The following CCSER1 variants were observed in gnomAD, a reference collection of about 807,000 sequenced individuals.
CCSER1 encodes coiled-coil serine rich protein 1, also known as serine-rich coiled-coil domain-containing protein 1.
Under a neutral mutation model 82.0 loss-of-function variants are expected in CCSER1, and 41 were observed. The ratio of observed to expected loss-of-function variants is 0.50; its 90% CI spans 0.39 to 0.65. CCSER1 has a LOEUF of 0.65. Ranked by LOEUF, CCSER1 falls within the 30% of genes least tolerant of loss-of-function variation. CCSER1 has a pLI of 0.00. For missense variants in CCSER1, 1,119 were observed against 1,064.2 expected, an observed-to-expected ratio of 1.05 and a Z score of -0.72; for synonymous variants, 414 against 383.9, an observed-to-expected ratio of 1.08 and a Z score of -0.92.
intron 8 of CCSER1, among the ~76,000 whole-genome samples, chr4:90,886,980 C>T (rs1722217473): frequency 6.6e-6 from 1 of 152,106 alleles, no homozygotes; most frequent in African/African-American, 2.4e-5. Flanking sequence ...AATAGACCTA[C>T]CAAATGAAAA....
chr4:91,603,085 G>T lies in CCSER1; in HGVS notation c.*4028G>T, dbSNP rs1020074290. Among the ~76,000 whole-genome samples the T allele has an allele frequency of 1.3e-5, 2 of 151,990 alleles. No homozygotes were observed. The highest frequency in any genetic ancestry group is 2.9e-5 in the Non-Finnish European group (2 of 67,946). On this transcript the variant is annotated 3_prime_UTR_variant, in exon 11 of 11. Coordinates refer to ENST00000509176, the MANE Select transcript of CCSER1 (RefSeq NM_001145065.2). ...ATCATGACAACTCTAGGCTGTAGAA[G>T]GCGTAATATAAAATACAAACTAGTT...
At chr4:91,141,542 C>T (rs879361698) in intron 10 of CCSER1, among the ~76,000 whole-genome samples, 3 of 152,102 alleles carry the variant, frequency 2.0e-5, no homozygotes, top group Admixed American at 6.6e-5. Context: ...TGAGCACCTA[C>T]GTTGATTCCA....
intron 7 of CCSER1, among the ~76,000 whole-genome samples, chr4:90,768,338 C>T (rs1751569680): frequency 6.6e-6 from 1 of 152,182 alleles, no homozygotes; most frequent in Non-Finnish European, 1.5e-5. Context: ...TAGAATCCAA[C>T]ATCATGAGAT....
At position 90,508,834 on chromosome 4, in the gene CCSER1, A is replaced by G. The variant is rs548207554; in HGVS notation, c.1724+40480A>G. ...AATTAAGCACTTAAGCTCATTGACA[A>G]TAGAAATAACTTTATCTTAAAGGTT... On this transcript the variant is annotated intron_variant, in intron 5 of 10. Transcript: ENST00000509176. Among the ~76,000 whole-genome samples, 28 of 152,214 alleles carry G rather than the reference A, an allele frequency of 1.8e-4. 1 individual carries two copies. The South Asian group carries it at 5.6e-3, about 30-fold the overall frequency.
At position 90,577,708 on chromosome 4, in the gene CCSER1, TG is replaced by T. The variant is rs201144029; in HGVS notation, c.1725-50316del. ...AATATTACTTATTTTTTAAAATTTT[TG>T]TATCATATTTTTAAGAGTTCCTCTG... On this transcript the variant is annotated intron_variant, in intron 5 of 10. Coordinates refer to ENST00000509176, the MANE Select transcript of CCSER1 (RefSeq NM_001145065.2). Among the ~76,000 whole-genome samples the T allele has an allele frequency of 6.5e-3, 986 of 152,292 alleles. 17 individuals carry two copies. The highest frequency in any genetic ancestry group is 0.023 in the African/African-American group (939 of 41,572).
intron 10 of CCSER1, among the ~76,000 whole-genome samples, chr4:91,278,521 T>C (rs774213652): frequency 6.6e-6 from 1 of 152,136 alleles, no homozygotes; most frequent in Non-Finnish European, 1.5e-5. Context: ...GCATGGAGTA[T>C]CTTTTTCCGT....
chr4:90,584,585 GT>G (rs1445899562), intron 5 of CCSER1, among the ~76,000 whole-genome samples: 8 of 152,158 alleles, frequency 5.3e-5, no homozygotes, highest in Admixed American at 2.0e-4. Flanking sequence ...AAAAATTTGG[GT>G]ATTGTTTTAA....
At chr4:91,223,509 ATTCC>A (rs1321510314) in intron 10 of CCSER1, among the ~76,000 whole-genome samples, 2 of 152,170 alleles carry the variant, frequency 1.3e-5, no homozygotes, top group African/African-American at 4.8e-5. Flanking sequence ...TGCTGTAATA[ATTCC>A]AAAGGGGGAA....
At chr4:91,401,725 G>A (rs1193697852) in intron 10 of CCSER1, among the ~76,000 whole-genome samples, 1 of 152,094 alleles carries the variant, frequency 6.6e-6, no homozygotes, top group African/African-American at 2.4e-5. Context: ...CAAAGGACAT[G>A]AACTCATCCT....
At position 90,909,975 on chromosome 4, in the gene CCSER1, A is replaced by G. The variant is rs187022983; in HGVS notation, c.2095-13395A>G. On this transcript the variant is annotated intron_variant, in intron 8 of 10. Transcript: ENST00000509176. ...TGAGACTGGGTAATTTGTAAAGAAT[A>G]GAGGTTTAATTGACTCACAGTACCA... 2.8e-3 allele frequency among the ~76,000 whole-genome samples: 432 copies of G among 152,290 alleles called. 11 individuals are homozygous for G. The highest frequency in any genetic ancestry group is 6.9e-4 in the Non-Finnish European group (47 of 68,020).
intron 5 of CCSER1, among the ~76,000 whole-genome samples, chr4:90,580,186 C>A (rs1781272016): frequency 6.6e-6 from 1 of 151,916 alleles, no homozygotes; most frequent in African/African-American, 2.4e-5. Context: ...TATAATTATG[C>A]CAGTGAATAT....
intron 8 of CCSER1, among the ~76,000 whole-genome samples, chr4:90,816,101 T>A (rs2149766269): frequency 6.6e-6 from 1 of 152,322 alleles, no homozygotes; most frequent in Non-Finnish European, 1.5e-5. Flanking sequence ...ATTAAACATT[T>A]CGGTTGTATC....
At chr4:91,221,754 G>A (rs1043171865) in intron 10 of CCSER1, among the ~76,000 whole-genome samples, 4 of 152,078 alleles carry the variant, frequency 2.6e-5, no homozygotes. Context: ...AGATGAGCAA[G>A]TTGTACACAG....
chr4:90,346,096 G>A (rs1430785447), intron 3 of CCSER1, among the ~76,000 whole-genome samples: 1 of 151,870 alleles, frequency 6.6e-6, no homozygotes, highest in Non-Finnish European at 1.5e-5. Flanking sequence ...ATAAAATGGT[G>A]TTTAAATATT....
At chr4:91,522,900 C>T (rs1402780434) in intron 10 of CCSER1, among the ~76,000 whole-genome samples, 1 of 152,162 alleles carries the variant, frequency 6.6e-6, no homozygotes, top group Non-Finnish European at 1.5e-5. Context: ...GCCAGAACTT[C>T]CAATACTATG....
rs372893740 is a variant in CCSER1, at chr4:90,309,228, C to T, written c.944C>T (p.Pro315Leu). ...ACAACAGAACTTACGGGAACTGTTC[C>T]CTGTGCAATTATGTCTCCTGGGAAA... is the stretch of plus-strand genomic sequence containing the variant. ...KTTTELTGTVPCAIMSPGKYR... is the reference protein window; with the variant it reads ...KTTTELTGTVLCAIMSPGKYR... Residue 315 changes from proline (P) to leucine (L), a missense_variant, in exon 2 of 11, where the codon CCC becomes CTC. Physicochemically the swap from Pro to Leu is moderately conservative, Grantham distance 98 (BLOSUM62 -3). Transcript: ENST00000509176. 8.7e-6 allele frequency: 14 copies of T among 1,613,742 alleles called. No individual in the cohort carries two copies. The highest frequency in any genetic ancestry group is 1.6e-4 in the Middle Eastern group (1 of 6,084).
intron 10 of CCSER1, among the ~76,000 whole-genome samples, chr4:91,474,814 C>CATATATATATATATAT (rs1757493357): frequency 4.5e-5 from 3 of 67,170 alleles, no homozygotes; most frequent in African/African-American, 1.8e-4. Context: ...TATATATATA[C>CATATATATATATATAT]ACACACACAC....
At chr4:90,386,412 TCA>T (rs1317103355) in intron 3 of CCSER1, among the ~76,000 whole-genome samples, 1 of 151,940 alleles carries the variant, frequency 6.6e-6, no homozygotes, top group East Asian at 1.9e-4. Context: ...GACACCCTAT[TCA>T]GTAAATGGTG....
At chr4:90,881,579 C>G (rs1282256296) in intron 8 of CCSER1, among the ~76,000 whole-genome samples, 2 of 152,056 alleles carry the variant, frequency 1.3e-5, no homozygotes, top group Non-Finnish European at 2.9e-5. Context: ...TGAGACCAGC[C>G]TGGGCAATGT....
Sources: allele counts gnomAD v4.1 joint callset (sites outside exome capture counted in the v4.1 genomes callset), GRCh38; gene constraint gnomAD v4.1.1; transcripts MANE v1.5; gene names NCBI Gene and HGNC (gene_info 2026-07-23, HGNC 2026-07-21).